The following RINT1 variants were observed in gnomAD, a reference collection of about 807,000 sequenced individuals.
RINT1 encodes RAD50 interactor 1, also known as RAD50-interacting protein 1.
A neutral mutation model predicts 97.7 loss-of-function variants in RINT1; 75 were observed. The observed-to-expected ratio is 0.77, with a 90% CI of 0.64 to 0.93. The LOEUF (loss-of-function observed/expected upper bound fraction) is 0.93. RINT1 is among the 40% of genes least tolerant of loss of function. The pLI, the probability that RINT1 is intolerant of heterozygous loss-of-function variation, is 0.00. For missense variants in RINT1, 892 were observed against 925.2 expected (o/e 0.96, Z 0.47); for synonymous variants, 303 against 326.3 (o/e 0.93, Z 0.77).
intron 7 of RINT1, 27 bp downstream of exon 7, chr7:105,548,737 G>T (rs1370736583): frequency 1.9e-6 from 3 of 1,571,280 alleles, no homozygotes; most frequent in Admixed American, 3.9e-5. Context: ...CTTGTCCTTG[G>T]TTTTTATTGG....
At position 105,548,618 on chromosome 7, in the gene RINT1, G is replaced by A; in HGVS notation, c.904G>A (p.Val302Ile). The part of the protein sequence containing the change: ...EKYSLPASPS[V>I]ILPIQVMLTP... ...ATACTCTCTTCCTGCCTCCCCTTCT[G>A]TCATCCTGCCCATCCAGGTTATGCT... The change falls in exon 7 of 15, where the codon GTC (valine) becomes ATC (isoleucine). Residue 302 changes from valine to isoleucine, a missense_variant. Transcript: ENST00000257700. The A allele has an allele frequency of 6.2e-7, 1 of 1,614,064 alleles. No homozygotes were observed. The highest frequency in any genetic ancestry group is 1.1e-5 in the South Asian group (1 of 91,076).
At position 105,555,118 on chromosome 7, in the gene RINT1, C is replaced by T. The variant is rs767823700; in HGVS notation, c.1562C>T (p.Thr521Ile). 5.4e-5 allele frequency: 87 copies of T among 1,613,988 alleles called. No homozygotes were observed. The highest frequency in any genetic ancestry group is 7.0e-5 in the Non-Finnish European group (83 of 1,179,946). ...GTAGATGATTTTAGGATACGATTAA[C>T]ACAAGTGATGAAAGAAGAGACTAGA... Reference protein sequence around the residue: ...DLVDDFRIRLTQVMKEETRAS... With the variant: ...DLVDDFRIRLIQVMKEETRAS... Residue 521 changes from threonine (T) to isoleucine (I), a missense_variant, in exon 11 of 15, where the codon ACA becomes ATA. By Grantham distance (89) the Thr-to-Ile change is moderately conservative. Transcript: ENST00000257700.
intron 7 of RINT1, among the ~76,000 whole-genome samples, chr7:105,549,622 T>G (rs188863531): frequency 6.6e-6 from 1 of 152,308 alleles, no homozygotes; most frequent in African/African-American, 2.4e-5. Flanking sequence ...GTGCTGGGAT[T>G]ACAGGCATGA....
chr7:105,562,738 G>C (rs1185964566), intron 11 of RINT1, among the ~76,000 whole-genome samples: 2 of 151,310 alleles, frequency 1.3e-5, no homozygotes, highest in South Asian at 4.2e-4. Context: ...CTCTACGAAA[G>C]TTACAAAAAA....
intron 1 of RINT1, 100 bp downstream of exon 1, chr7:105,532,457 C>T (rs2133347723): frequency 7.5e-7 from 1 of 1,327,754 alleles, no homozygotes; most frequent in Non-Finnish European, 1.0e-6. Flanking sequence ...GCCCTGTAAG[C>T]TTGTGAAGGT....
intron 2 of RINT1, chr7:105,535,789 TG>T: frequency 3.3e-6 from 1 of 307,146 alleles, no homozygotes; most frequent in Non-Finnish European, 6.5e-6. Flanking sequence ...CCTCCTGCCT[TG>T]GCCTCCCACA....
In RINT1 at chr7:105,553,901, T is replaced by A. The variant is rs1468076399; in HGVS notation, c.1472-1127T>A. Among the ~76,000 whole-genome samples, 175 of 120,000 alleles carry A rather than the reference T, an allele frequency of 1.5e-3. 8 individuals are homozygous for A. Among genetic ancestry groups the A allele is most frequent in the Admixed American group, 0.011 (131 of 12,064 alleles). 78.7% of individuals were successfully genotyped at this position (120,000 alleles called of 152,430 possible). A position where few individuals can be genotyped will look rare whatever the true frequency, so the allele number is the denominator to read the frequency against. The stretch of plus-strand genomic sequence containing the variant: ...ATACCCAGCTAATTTTTTTTTTTTT[T>A]TTTTTTTTTTTTTTTGAGATGGAGT... On this transcript the variant is annotated intron_variant, in intron 10 of 14. Transcript: ENST00000257700.
At chr7:105,535,288 G>A (rs1176626300) in intron 2 of RINT1, among the ~76,000 whole-genome samples, 1 of 148,020 alleles carries the variant, frequency 6.8e-6, no homozygotes, top group Non-Finnish European at 1.5e-5. Flanking sequence ...GGAGTGCAGT[G>A]GCGTGATCTC....
At chr7:105,541,299 G>A (rs1359225884) in intron 3 of RINT1, among the ~76,000 whole-genome samples, 1 of 150,278 alleles carries the variant, frequency 6.7e-6, no homozygotes, top group Non-Finnish European at 1.5e-5. Context: ...ACCAAACCTG[G>A]CTAGTTTTTG....
chr7:105,566,115 CA>C (rs5886358), intron 14 of RINT1, among the ~76,000 whole-genome samples: 136,061 of 147,834 alleles, frequency 0.92, 62,571 homozygotes, highest in Middle Eastern at 0.96. Flanking sequence ...CTAAAAATAC[CA>C]AAAAAAAAAA....
intron 2 of RINT1, among the ~76,000 whole-genome samples, chr7:105,533,318 C>T (rs1188894995): frequency 6.6e-6 from 1 of 152,110 alleles, no homozygotes; most frequent in Non-Finnish European, 1.5e-5. Flanking sequence ...ATTGCTCTGG[C>T]AAGAGCACAA....
chr7:105,565,240 T>A (rs748582789), intron 12 of RINT1, 37 bp from the exon 13 acceptor site: 6 of 1,556,966 alleles, frequency 3.9e-6, no homozygotes, highest in Non-Finnish European at 5.2e-6. Context: ...AAATAGAAAC[T>A]GATGAAAATT....
intron 3 of RINT1, 77 bp from the exon 4 acceptor site, chr7:105,542,331 T>C: frequency 8.4e-7 from 1 of 1,187,670 alleles, no homozygotes; most frequent in Non-Finnish European, 1.2e-6. Flanking sequence ...TGAGATCCCC[T>C]CTCAAAAAAA....
At chr7:105,555,991 T>A (rs188106570) in intron 11 of RINT1, among the ~76,000 whole-genome samples, 41 of 151,948 alleles carry the variant, frequency 2.7e-4, no homozygotes, top group East Asian at 1.2e-3. Context: ...TAACATTTCA[T>A]GTATCAAATT....
intron 11 of RINT1, among the ~76,000 whole-genome samples, chr7:105,559,565 A>G (rs999559510): frequency 6.7e-6 from 1 of 148,522 alleles, no homozygotes; most frequent in Non-Finnish European, 1.5e-5. Context: ...AAAAAAAAAA[A>G]AAAGAAAAAG....
intron 4 of RINT1, among the ~76,000 whole-genome samples, chr7:105,543,894 G>T (rs1316982900): frequency 6.6e-6 from 1 of 151,218 alleles, no homozygotes; most frequent in Non-Finnish European, 1.5e-5. Flanking sequence ...TTTGAGACCA[G>T]CCTGACCAAC....
intron 2 of RINT1, among the ~76,000 whole-genome samples, chr7:105,534,430 A>G (rs1586212733): frequency 1.3e-5 from 2 of 152,084 alleles, no homozygotes; most frequent in East Asian, 3.8e-4. Context: ...CAACTTTAGC[A>G]TTCACAAAAC....
rs749660210 is a variant in RINT1, at chr7:105,542,401, T to C, written c.274-7T>C. The C allele has an allele frequency of 5.1e-6, 8 of 1,556,358 alleles. 1 individual carries two copies. In the South Asian group the frequency reaches 9.4e-5, roughly 18 times the overall value. ...TTTCTTTCTTTCTTTTTTAAAATTATGGTCAGGTACTTACAATTTCATCAG... is the reference window on the plus strand; with the variant it reads ...TTTCTTTCTTTCTTTTTTAAAATTACGGTCAGGTACTTACAATTTCATCAG... On this transcript the variant is annotated splice_polypyrimidine_tract_variant and splice_region_variant and intron_variant, in intron 3 of 14. Transcript: ENST00000257700.
chr7:105,532,444 G>T, intron 1 of RINT1, 87 bp downstream of exon 1: 1 of 1,434,524 alleles, frequency 7.0e-7, no homozygotes, highest in Non-Finnish European at 9.6e-7. Flanking sequence ...TCCCGGTGCG[G>T]TGGCCCTGTA....
Sources: allele counts gnomAD v4.1 joint callset (sites outside exome capture counted in the v4.1 genomes callset), GRCh38; gene constraint gnomAD v4.1.1; transcripts MANE v1.5; gene names NCBI Gene and HGNC (gene_info 2026-07-23, HGNC 2026-07-21).